The following HSPBAP1 variants were observed in gnomAD, a reference collection of about 807,000 sequenced individuals.
HSPBAP1 encodes HSPB1-associated protein 1.
In HSPBAP1, 27 loss-of-function variants were observed where a neutral mutation model predicts 45.2. The observed-to-expected ratio is 0.60, with a 90% CI of 0.44 to 0.82. The LOEUF (loss-of-function observed/expected upper bound fraction) is 0.82. Among genes scored for constraint, HSPBAP1 ranks in the 40% least tolerant of loss-of-function variants. The pLI is 0.00. For missense variants in HSPBAP1, 510 were observed against 590.9 expected (o/e 0.86, Z 1.42); for synonymous variants, 204 against 202.7 (o/e 1.01, Z -0.06).
chr3:122,767,514 C>A (rs1417137263), intron 3 of HSPBAP1, among the ~76,000 whole-genome samples: 2 of 151,984 alleles, frequency 1.3e-5, no homozygotes, highest in Admixed American at 6.6e-5. Context: ...GTCGTAATTG[C>A]GCCACTGCAT....
At chr3:122,784,061 C>T (rs1205503906) in intron 1 of HSPBAP1, among the ~76,000 whole-genome samples, 2 of 151,918 alleles carry the variant, frequency 1.3e-5, no homozygotes, top group Admixed American at 6.6e-5. Context: ...AATCTCTTGA[C>T]CTTGTGATCC....
chr3:122,766,404 GAT>G (rs948536670), intron 3 of HSPBAP1, among the ~76,000 whole-genome samples: 2 of 152,174 alleles, frequency 1.3e-5, no homozygotes, highest in African/African-American at 2.4e-5. Flanking sequence ...GACAAAAGAT[GAT>G]ATAATCTTAA....
At chr3:122,778,110 T>C (rs1295289604) in intron 1 of HSPBAP1, among the ~76,000 whole-genome samples, 2 of 152,138 alleles carry the variant, frequency 1.3e-5, no homozygotes, top group African/African-American at 2.4e-5. Context: ...CAGGGGTATA[T>C]GTGCAGGTTT....
At chr3:122,782,595 C>A (rs945919906) in intron 1 of HSPBAP1, among the ~76,000 whole-genome samples, 1 of 152,070 alleles carries the variant, frequency 6.6e-6, no homozygotes, top group Non-Finnish European at 1.5e-5. Context: ...AGAAAGGATT[C>A]TCAAGAGATC....
At position 122,763,407 on chromosome 3, in the gene HSPBAP1, C is replaced by T. The variant is rs77452525; in HGVS notation, c.433-4047G>A. Among the ~76,000 whole-genome samples the T allele has an allele frequency of 3.9e-4, 59 of 151,742 alleles. No individual in the cohort carries two copies. The East Asian group carries it at 0.011, about 27-fold the overall frequency. ...ATGTAAAACTTAATCAAACTGTTCA[C>T]GTTAAATATATGCTGTTTATTACAT... On this transcript the variant is annotated intron_variant, in intron 3 of 7. Coordinates refer to ENST00000306103, the MANE Select transcript of HSPBAP1 (RefSeq NM_024610.6).
intron 4 of HSPBAP1, among the ~76,000 whole-genome samples, chr3:122,756,827 C>T (rs1934373376): frequency 1.3e-5 from 2 of 152,092 alleles, no homozygotes; most frequent in African/African-American, 4.8e-5. Context: ...TTAATTTAAG[C>T]TTTAAGAGCT....
In HSPBAP1 at chr3:122,740,812, CA is replaced by C; in HGVS notation, c.999del (p.Phe333LeufsTer9). ...ACTACCTCAGATGTTCTGCAGCGAT[CA>C]AAAAATGCAGAAACAGCTGCATTTA... is the stretch of plus-strand genomic sequence containing the variant. ...CYLNAAVSAF[F>X]DRCRTSEVVE... On this transcript the variant is annotated frameshift_variant, in exon 8 of 8. Transcript: ENST00000306103. LOFTEE classifies it low-confidence loss of function (END_TRUNC). 1 of 1,613,954 alleles carries C rather than the reference CA, an allele frequency of 6.2e-7. No homozygotes were observed. Among genetic ancestry groups the C allele is most frequent in the Non-Finnish European group, 8.5e-7 (1 of 1,179,992 alleles).
In HSPBAP1 at chr3:122,777,717, A is replaced by G. The variant is rs1935233471; in HGVS notation, c.250+4T>C. The G allele has an allele frequency of 1.9e-6, 3 of 1,609,004 alleles. No individual in the cohort carries two copies. Among genetic ancestry groups the G allele is most frequent in the South Asian group, 1.1e-5 (1 of 90,748 alleles). ...ATTATGATGGTGATTACCTATAGTC[A>G]TACCTGTGCTCATGCTTTTCATCCC... On this transcript the variant is annotated splice_donor_region_variant and intron_variant, in intron 2 of 7. Transcript: ENST00000306103.
chr3:122,762,319 A>G (rs576900477), intron 3 of HSPBAP1, among the ~76,000 whole-genome samples: 1 of 150,384 alleles, frequency 6.6e-6, no homozygotes, highest in South Asian at 2.1e-4. Context: ...TTTCCTTCCA[A>G]TTGCTCTTCT....
chr3:122,759,677 A>G (rs147256016), intron 3 of HSPBAP1, among the ~76,000 whole-genome samples: 2,118 of 152,346 alleles, frequency 0.014, 25 homozygotes, highest in Non-Finnish European at 0.018. Flanking sequence ...TGAAGCTTAC[A>G]TTTCAGAGTT....
chr3:122,785,903 G>A (rs1277993407), intron 1 of HSPBAP1, among the ~76,000 whole-genome samples: 1 of 148,012 alleles, frequency 6.8e-6, no homozygotes, highest in African/African-American at 2.6e-5. Flanking sequence ...GTGTGTGCGT[G>A]TGTGTGTGTG....
At position 122,768,751 on chromosome 3, in the gene HSPBAP1, CA is replaced by C; in HGVS notation, c.381del (p.Asp128ThrfsTer19). 1 of 1,612,916 alleles carries C rather than the reference CA, an allele frequency of 6.2e-7. No individual in the cohort carries two copies. The highest frequency in any genetic ancestry group is 8.5e-7 in the Non-Finnish European group (1 of 1,178,976). Reference sequence around the variant, plus strand: ...AATAGACTGACAAAATATTTATAGTCAGCATAAGCCCAGAACTTGGAATGGT... The same window carrying C: ...AATAGACTGACAAAATATTTATAGTCGCATAAGCCCAGAACTTGGAATGGT... Reference protein sequence around the residue: ...DYDHSKFWAYADYKYFVSLFE... With the variant: ...DYDHSKFWAYXDYKYFVSLFE... On this transcript the variant is annotated frameshift_variant, in exon 3 of 8. Transcript: ENST00000306103. LOFTEE classifies it high-confidence loss of function.
chr3:122,787,249 C>A lies in HSPBAP1; in HGVS notation c.64+6368G>T, dbSNP rs1041502087. 3.9e-5 allele frequency among the ~76,000 whole-genome samples: 6 copies of A among 152,170 alleles called. No homozygotes were observed. The East Asian group carries it at 1.2e-3, about 29-fold the overall frequency. On this transcript the variant is annotated intron_variant, in intron 1 of 7. Transcript: ENST00000306103. ...TAATTCTTTGGAGATAGTGAAACATCATCAAAAATAAATTGCGTCCTTCTC... is the reference window on the plus strand; with the variant it reads ...TAATTCTTTGGAGATAGTGAAACATAATCAAAAATAAATTGCGTCCTTCTC...
intron 6 of HSPBAP1, among the ~76,000 whole-genome samples, chr3:122,747,912 T>C (rs1032172828): frequency 4.5e-4 from 69 of 152,224 alleles, no homozygotes; most frequent in African/African-American, 1.7e-3. Flanking sequence ...CGGGCCATGA[T>C]GACAATGGCG....
intron 5 of HSPBAP1, chr3:122,754,454 T>G: frequency 2.7e-6 from 2 of 743,224 alleles, no homozygotes; most frequent in African/African-American, 1.9e-5. Context: ...TAGAAAAAGA[T>G]TAGTTGTTGT....
intron 2 of HSPBAP1, among the ~76,000 whole-genome samples, chr3:122,776,322 G>C (rs752014670): frequency 6.6e-6 from 1 of 152,288 alleles, no homozygotes; most frequent in South Asian, 2.1e-4. Context: ...TAAAAGCTCA[G>C]AGTCATTTCT....
Position 122,740,166 on chromosome 3 carries a change from T to C in HSPBAP1, c.*179A>G, listed in dbSNP as rs1576226343. The C allele has an allele frequency of 2.6e-6, 1 of 391,924 alleles. No individual in the cohort carries two copies. 24.3% of individuals were successfully genotyped at this position (391,924 alleles called of 1,614,324 possible). ...AGCTTACAAACAAAGAGCAGCCAGTTTGGCCAAAGAGGAATGTGCATGAAA... is the reference window on the plus strand; with the variant it reads ...AGCTTACAAACAAAGAGCAGCCAGTCTGGCCAAAGAGGAATGTGCATGAAA... On this transcript the variant is annotated 3_prime_UTR_variant, in exon 8 of 8. Transcript: ENST00000306103.
In HSPBAP1 at chr3:122,763,464, T is replaced by G. The variant is rs563672024; in HGVS notation, c.433-4104A>C. Among the ~76,000 whole-genome samples, 557 of 151,876 alleles carry G rather than the reference T, an allele frequency of 3.7e-3. 4 individuals carry two copies. The highest frequency in any genetic ancestry group is 0.012 in the African/African-American group (479 of 41,458). ...TATACCCCAATAAAGCTGTGTGTGT[T>G]TTTTTTTAATACAATACTATTAGTA... On this transcript the variant is annotated intron_variant, in intron 3 of 7. Transcript: ENST00000306103.
intron 2 of HSPBAP1, among the ~76,000 whole-genome samples, chr3:122,773,333 A>G (rs967682923): frequency 2.3e-5 from 3 of 132,768 alleles, no homozygotes; most frequent in African/African-American, 8.7e-5. Flanking sequence ...TTTTGGAGAC[A>G]GAGTCTCACT....
Sources: allele counts gnomAD v4.1 joint callset (sites outside exome capture counted in the v4.1 genomes callset), GRCh38; gene constraint gnomAD v4.1.1; transcripts MANE v1.5; gene names NCBI Gene and HGNC (gene_info 2026-07-23, HGNC 2026-07-21).